SLC13A1: variants seen among roughly 807,000 people sequenced by gnomAD.
SLC13A1 encodes Na(+)/sulfate cotransporter.
Under a neutral mutation model 70.0 loss-of-function variants are expected in SLC13A1, and 65 were observed. The observed-to-expected ratio is 0.93, with a 90% confidence interval of 0.76 to 1.14. The LOEUF (loss-of-function observed/expected upper bound fraction) is 1.14. Among genes scored for constraint, SLC13A1 ranks in the 50% most tolerant of loss-of-function variants. SLC13A1 has a pLI of 0.00. For synonymous variants in SLC13A1, 275 were observed against 250.5 expected (o/e 1.10, Z -0.92); for missense variants, 726 against 717.8 (o/e 1.01, Z -0.13).
At chr7:123,181,854 C>T (rs1357798081) in intron 1 of SLC13A1, among the ~76,000 whole-genome samples, 2 of 151,932 alleles carry the variant, frequency 1.3e-5, no homozygotes, top group Non-Finnish European at 2.9e-5. Context: ...TTTGCTCTCA[C>T]AGTGCTTACT....
At chr7:123,168,820 A>G (rs748830401) in intron 4 of SLC13A1, among the ~76,000 whole-genome samples, 1 of 152,196 alleles carries the variant, frequency 6.6e-6, no homozygotes, top group South Asian at 2.1e-4. Context: ...GGAATTAAAG[A>G]TTCCCAATAT....
chr7:123,148,512 T>G, intron 6 of SLC13A1: 2 of 453,688 alleles, frequency 4.4e-6, no homozygotes, highest in South Asian at 3.1e-5. Context: ...CAAAAGCAAC[T>G]TCATTCTTTT....
At chr7:123,163,227 T>C (rs973494767) in intron 6 of SLC13A1, among the ~76,000 whole-genome samples, 1 of 152,114 alleles carries the variant, frequency 6.6e-6, no homozygotes, top group Non-Finnish European at 1.5e-5. Flanking sequence ...TCAGGTACTG[T>C]CAGTGTAATT....
intron 6 of SLC13A1, among the ~76,000 whole-genome samples, chr7:123,165,947 G>T (rs966821305): frequency 6.6e-6 from 1 of 151,978 alleles, no homozygotes; most frequent in Non-Finnish European, 1.5e-5. Context: ...TTAAAGTGCT[G>T]ACAAGGTAGA....
chr7:123,128,498 CT>C (rs36022568), intron 10 of SLC13A1, among the ~76,000 whole-genome samples: 5,861 of 152,146 alleles, frequency 0.039, 359 homozygotes, highest in African/African-American at 0.13. Context: ...CAGTGTGGCT[CT>C]GAAATCTATG....
chr7:123,123,720 T>G (rs934975345), intron 11 of SLC13A1, among the ~76,000 whole-genome samples: 3 of 152,104 alleles, frequency 2.0e-5, no homozygotes, highest in Non-Finnish European at 4.4e-5. Flanking sequence ...CATGATAGAT[T>G]CACCAAGATT....
intron 8 of SLC13A1, among the ~76,000 whole-genome samples, chr7:123,129,693 G>T (rs1478315204): frequency 2.0e-5 from 3 of 151,784 alleles, no homozygotes; most frequent in Admixed American, 2.0e-4. Flanking sequence ...TTTTTGCCTG[G>T]TTTGCTCACT....
Position 123,181,070 on chromosome 7 carries a change from A to G in SLC13A1, c.131T>C (p.Val44Ala), listed in dbSNP as rs1795623436. The change falls in exon 2 of 15, where the codon GTC (valine) becomes GCC (alanine). Residue 44 changes from valine to alanine, a missense_variant. Coordinates refer to ENST00000194130, the MANE Select transcript of SLC13A1 (RefSeq NM_022444.4). The stretch of plus-strand genomic sequence containing the variant: ...TGCTTCTGTGAGCCAAAATGTGGCG[A>G]CCACAAAGAGTGTGTAGGCACATTC... Reference protein sequence around the residue: ...EAECAYTLFVVATFWLTEALP... With the variant: ...EAECAYTLFVAATFWLTEALP... 4 of 1,612,702 alleles carry G rather than the reference A, an allele frequency of 2.5e-6. No homozygotes were observed. In the South Asian group the frequency reaches 3.3e-5, roughly 13 times the overall value.
At chr7:123,151,555 G>C (rs750245883) in intron 6 of SLC13A1, among the ~76,000 whole-genome samples, 4 of 151,924 alleles carry the variant, frequency 2.6e-5, no homozygotes, top group African/African-American at 4.8e-5. Flanking sequence ...AGTGTCCTTA[G>C]CATGTAATAA....
chr7:123,121,655 C>T (rs775597028), intron 12 of SLC13A1, among the ~76,000 whole-genome samples: 1 of 152,032 alleles, frequency 6.6e-6, no homozygotes, highest in Non-Finnish European at 1.5e-5. Flanking sequence ...GAATTTGAAA[C>T]TGTCTATCTG....
chr7:123,139,771 C>T (rs904486151), intron 7 of SLC13A1, among the ~76,000 whole-genome samples: 3 of 152,014 alleles, frequency 2.0e-5, no homozygotes, highest in African/African-American at 4.8e-5. Flanking sequence ...TTATATCCTG[C>T]AACTTTACTG....
intron 6 of SLC13A1, among the ~76,000 whole-genome samples, chr7:123,157,665 T>C (rs1443156434): frequency 6.6e-6 from 1 of 152,132 alleles, no homozygotes; most frequent in Non-Finnish European, 1.5e-5. Flanking sequence ...TAACATAGCA[T>C]ATTTTTCTAT....
intron 1 of SLC13A1, among the ~76,000 whole-genome samples, chr7:123,182,639 T>C (rs1297107296): frequency 6.6e-6 from 1 of 152,006 alleles, no homozygotes; most frequent in Non-Finnish European, 1.5e-5. Context: ...AAAAAATAAA[T>C]AGAATACATA....
At chr7:123,119,297 C>T (rs1318616093) in intron 12 of SLC13A1, 55 bp from the exon 13 acceptor site, 7 of 1,191,986 alleles carry the variant, frequency 5.9e-6, no homozygotes, top group African/African-American at 4.7e-5. Context: ...TGTAATCAGA[C>T]ACAATAAAAT....
chr7:123,155,803 C>T (rs1035771322), intron 6 of SLC13A1, among the ~76,000 whole-genome samples: 14 of 152,190 alleles, frequency 9.2e-5, no homozygotes, highest in African/African-American at 2.9e-4. Flanking sequence ...CCTGCTGACA[C>T]CCGAAAGGCA....
intron 1 of SLC13A1, among the ~76,000 whole-genome samples, chr7:123,188,897 C>T (rs1290885389): frequency 6.6e-6 from 1 of 151,670 alleles, no homozygotes; most frequent in Non-Finnish European, 1.5e-5. Flanking sequence ...GGGCGGATCA[C>T]GAGGTCAGGA....
At chr7:123,117,673 A>T (rs1793228982) in intron 13 of SLC13A1, 65 bp from the exon 14 acceptor site, 1 of 1,074,802 alleles carries the variant, frequency 9.3e-7, no homozygotes, top group African/African-American at 1.6e-5. Flanking sequence ...CATAAAAAAA[A>T]AAAAAGTATT....
chr7:123,161,400 C>T (rs143159919), intron 6 of SLC13A1, among the ~76,000 whole-genome samples: 2,984 of 152,104 alleles, frequency 0.02, 47 homozygotes, highest in Non-Finnish European at 0.031. Context: ...CCACACACTA[C>T]TAAATTTGAC....
At chr7:123,196,222 T>A (rs1257809444) in intron 1 of SLC13A1, among the ~76,000 whole-genome samples, 1 of 152,044 alleles carries the variant, frequency 6.6e-6, no homozygotes, top group African/African-American at 2.4e-5. Context: ...TAAAAAGCAG[T>A]TACACTCCAG....
Sources: allele counts gnomAD v4.1 joint callset (sites outside exome capture counted in the v4.1 genomes callset), GRCh38; gene constraint gnomAD v4.1.1; transcripts MANE v1.5; gene names NCBI Gene and HGNC (gene_info 2026-07-23, HGNC 2026-07-21).